Variants in AP3D1 observed in about 807,000 individuals in gnomAD.
The protein encoded by AP3D1 is adaptor related protein complex 3 subunit delta 1.
AP3D1 carries 51 observed loss-of-function variants against 147.6 expected under a neutral mutation model. The observed-to-expected ratio is 0.35, with a 90% CI of 0.28 to 0.44. The LOEUF is 0.44. Ranked by LOEUF, AP3D1 falls within the 20% of genes least tolerant of loss-of-function variation. The pLI is 1.00. For synonymous variants in AP3D1, 760 were observed against 663.0 expected (o/e 1.15, Z -2.25); for missense variants, 1,421 against 1,624.2 (o/e 0.87, Z 2.15).
At chr19:2,130,621 G>C in intron 5 of AP3D1, 84 bp from the exon 6 acceptor site, 1 of 1,580,512 alleles carries the variant, frequency 6.3e-7, no homozygotes. Context: ...CCTCCACAGA[G>C]AGGAGATGCC....
chr19:2,130,076 G>A (rs553571100), intron 6 of AP3D1, among the ~76,000 whole-genome samples: 12 of 152,206 alleles, frequency 7.9e-5, no homozygotes, highest in Non-Finnish European at 1.2e-4. Flanking sequence ...GCTCCTGCAC[G>A]GGACATATGG....
chr19:2,125,280 C>T (rs2018722123), intron 9 of AP3D1, among the ~76,000 whole-genome samples: 1 of 152,172 alleles, frequency 6.6e-6, no homozygotes, highest in African/African-American at 2.4e-5. Context: ...AGAAATGTCA[C>T]ACCCAATCTT....
chr19:2,160,568 C>T (rs2019688552), intron 1 of AP3D1, among the ~76,000 whole-genome samples: 2 of 152,000 alleles, frequency 1.3e-5, no homozygotes, highest in South Asian at 2.1e-4. Context: ...ATACAGGTTG[C>T]CACACCTGGA....
intron 31 of AP3D1, among the ~76,000 whole-genome samples, chr19:2,103,723 C>T (rs1307983574): frequency 1.3e-5 from 2 of 152,130 alleles, no homozygotes; most frequent in African/African-American, 4.8e-5. Flanking sequence ...GACCTGACCA[C>T]CCACGTCCTC....
rs117810058 is a variant in AP3D1 at position 2,138,581 on chromosome 19, C to T, written c.192+38G>A. 4,132 of 1,501,572 alleles carry T rather than the reference C, an allele frequency of 2.8e-3. 7 individuals carry two copies. The highest frequency in any genetic ancestry group is 3.3e-3 in the Non-Finnish European group (3,596 of 1,078,784). 93.0% of individuals were successfully genotyped at this position (1,501,572 alleles called of 1,614,324 possible). A position where few individuals can be genotyped will look rare whatever the true frequency, so the allele number is the denominator to read the frequency against. On this transcript the variant is annotated intron_variant, in intron 2 of 31. Coordinates refer to ENST00000643116, the MANE Select transcript of AP3D1 (RefSeq NM_001261826.3). ...GACACGTGCTGAGTGGAGAAGCAGC[C>T]CGACAGTGCTGGGCGCTGGCCACTG...
chr19:2,130,326 C>T (rs1599475022), intron 6 of AP3D1, 82 bp downstream of exon 6: 1 of 1,588,860 alleles, frequency 6.3e-7, no homozygotes, highest in East Asian at 2.3e-5. Flanking sequence ...CGCAGCACCC[C>T]CCAAAACACG....
chr19:2,158,290 T>C (rs2019665464), intron 1 of AP3D1, among the ~76,000 whole-genome samples: 1 of 151,846 alleles, frequency 6.6e-6, no homozygotes, highest in South Asian at 2.1e-4. Flanking sequence ...TCTCCTGACC[T>C]TGTGATCCGC....
chr19:2,126,292 T>A (rs1373864219), intron 9 of AP3D1, among the ~76,000 whole-genome samples: 1 of 149,662 alleles, frequency 6.7e-6, no homozygotes, highest in Non-Finnish European at 1.5e-5. Flanking sequence ...CAGAGACCAC[T>A]GGGGACATTG....
chr19:2,130,038 T>C (rs914655545), intron 6 of AP3D1, among the ~76,000 whole-genome samples: 1 of 152,100 alleles, frequency 6.6e-6, no homozygotes, highest in Non-Finnish European at 1.5e-5. Flanking sequence ...ACACCACAAA[T>C]ACACAACAGC....
At chr19:2,130,131 T>A (rs2018896154) in intron 6 of AP3D1, among the ~76,000 whole-genome samples, 1 of 152,176 alleles carries the variant, frequency 6.6e-6, no homozygotes, top group African/African-American at 2.4e-5. Flanking sequence ...CTGGTGGCAC[T>A]GGTCCTAAGA....
In AP3D1 at chr19:2,114,203, G is replaced by C. The variant is rs1305665847; in HGVS notation, c.2523C>G (p.Ser841Arg). The change falls in exon 22 of 32, where the codon AGC (serine) becomes AGG (arginine). Residue 841 changes from serine (S) to arginine (R), a missense_variant. Ser to Arg is a moderately radical substitution (Grantham distance 110). This residue lies in a region of AP3D1 where 791 missense variants were observed against 761.4 expected (regional missense o/e 1.04). Coordinates refer to ENST00000643116, the MANE Select transcript of AP3D1 (RefSeq NM_001261826.3). Reference sequence around the variant, plus strand: ...TTTTCTCTTTCTTCTTGGGTTTCTTGCTCTTCTTTTCTACCATGGGAACGT... The same window carrying C: ...TTTTCTCTTTCTTCTTGGGTTTCTTCCTCTTCTTTTCTACCATGGGAACGT... ...EKDVPMVEKK[S>R]KKPKKKEKKH... 1 of 1,610,468 alleles carries C rather than the reference G, an allele frequency of 6.2e-7. No individual in the cohort carries two copies. Among genetic ancestry groups the C allele is most frequent in the South Asian group, 1.1e-5 (1 of 90,708 alleles).
In AP3D1 at chr19:2,105,784, C is replaced by T. The variant is rs532864197; in HGVS notation, c.3552+2903G>A. On this transcript the variant is annotated intron_variant, in intron 31 of 31. Coordinates refer to ENST00000643116, the MANE Select transcript of AP3D1 (RefSeq NM_001261826.3). ...AAAGCAGCAACAGATCAGCTCCAGCCGCCTCAGGCCCAGCAGAATGGCTGC... is the reference window on the plus strand; with the variant it reads ...AAAGCAGCAACAGATCAGCTCCAGCTGCCTCAGGCCCAGCAGAATGGCTGC... 3.0e-4 allele frequency among the ~76,000 whole-genome samples: 46 copies of T among 152,256 alleles called. No individual in the cohort carries two copies. In the East Asian group the frequency reaches 7.9e-3, roughly 26 times the overall value.
chr19:2,105,668 T>C (rs2018090082), intron 31 of AP3D1, among the ~76,000 whole-genome samples: 1 of 152,186 alleles, frequency 6.6e-6, no homozygotes, highest in Admixed American at 6.5e-5. Flanking sequence ...TCTGTATTTC[T>C]GTGTGAGTGT....
chr19:2,107,313 G>A (rs2018139079), intron 31 of AP3D1, among the ~76,000 whole-genome samples: 3 of 151,544 alleles, frequency 2.0e-5, no homozygotes, highest in East Asian at 1.9e-4. Flanking sequence ...CTCTAGGAAC[G>A]GAATGCTGAG....
chr19:2,142,189 T>C (rs2019240831), intron 1 of AP3D1, among the ~76,000 whole-genome samples: 1 of 151,988 alleles, frequency 6.6e-6, no homozygotes, highest in South Asian at 2.1e-4. Flanking sequence ...GGCTAATTTC[T>C]ATATTTTTAG....
rs1316069406 is a variant in AP3D1, at chr19:2,130,428, T to A, written c.572A>T (p.Lys191Met). The change falls in exon 6 of 32, where the codon AAG becomes ATG. Residue 191 changes from lysine to methionine, a missense_variant. This residue lies in a region of AP3D1 where 292 missense variants were observed against 412.0 expected (regional missense o/e 0.71). Coordinates refer to ENST00000643116, the MANE Select transcript of AP3D1 (RefSeq NM_001261826.3). ...CAAACCGGGGTCGGGGTCCTCCAGC[T>A]TCTCCTTCAGCCGGGGAAAGGCAGG... ...LRPAFPRLKE[K>M]LEDPDPGVQS... is the part of the protein sequence containing the mutation. 3 of 1,613,884 alleles carry A rather than the reference T, an allele frequency of 1.9e-6. No homozygotes were observed. Among genetic ancestry groups the A allele is most frequent in the Non-Finnish European group, 2.5e-6 (3 of 1,180,024 alleles).
Position 2,109,939 on chromosome 19 carries a change from T to A in AP3D1, c.3284A>T (p.His1095Leu), listed in dbSNP as rs2018220221. The change falls in exon 29 of 32, where the codon CAC becomes CTC. Residue 1095 changes from histidine (H) to leucine (L), a missense_variant. His to Leu is a moderately conservative substitution (Grantham distance 99). This residue lies in a region of AP3D1 where 791 missense variants were observed against 761.4 expected (regional missense o/e 1.04). Coordinates refer to ENST00000643116, the MANE Select transcript of AP3D1 (RefSeq NM_001261826.3). ...GTGCAGCCTGAAGTCCAGCTTCTCG[T>A]GGGTCGCACCCTCGTCATTCTGCGG... is the stretch of plus-strand genomic sequence containing the variant. ...FIAKNDEGATHEKLDFRLHFS... is the reference protein window; with the variant it reads ...FIAKNDEGATLEKLDFRLHFS... The A allele has an allele frequency of 6.2e-7, 1 of 1,612,900 alleles. No individual in the cohort carries two copies. The highest frequency in any genetic ancestry group is 1.3e-5 in the African/African-American group (1 of 74,626).
At chr19:2,117,065 C>A (rs985308251) in intron 16 of AP3D1, 157 bp downstream of exon 16, 1 of 977,452 alleles carries the variant, frequency 1.0e-6, no homozygotes. Context: ...AGTGAGAGAC[C>A]TGGTGAGTCC....
At chr19:2,151,911 A>C (rs2019536440), upstream of AP3D1, among the ~76,000 whole-genome samples, 1 of 152,234 alleles carries the variant, frequency 6.6e-6, no homozygotes, top group Non-Finnish European at 1.5e-5. Context: ...CTTAGCCGGC[A>C]AGTTCCCGAG....
Sources: allele counts gnomAD v4.1 joint callset (sites outside exome capture counted in the v4.1 genomes callset), GRCh38; gene constraint gnomAD v4.1.1; regional missense constraint gnomAD v4.1.1; transcripts MANE v1.5; gene names NCBI Gene and HGNC (gene_info 2026-07-23, HGNC 2026-07-21).